The following ELMO1 variants were observed in gnomAD, a reference collection of about 807,000 sequenced individuals.
ELMO1 encodes the protein engulfment and cell motility 1, also known as engulfment and cell motility protein 1.
In ELMO1, 26 loss-of-function variants were observed where a neutral mutation model predicts 98.9. That is an observed-to-expected ratio of 0.26 (90% CI 0.19 to 0.36). The LOEUF (loss-of-function observed/expected upper bound fraction) is 0.36, where lower values mean the gene tolerates loss of function less well. Among genes scored for constraint, ELMO1 ranks in the 10% least tolerant of loss-of-function variants. The pLI, the probability that ELMO1 is intolerant of heterozygous loss-of-function variation, is 1.00. For missense variants in ELMO1, 627 were observed against 935.2 expected (o/e 0.67, Z 4.30); for synonymous variants, 346 against 346.0 (o/e 1.00, Z 0.00).
chr7:37,309,577 G>T (rs936689484), intron 4 of ELMO1, among the ~76,000 whole-genome samples: 6 of 152,242 alleles, frequency 3.9e-5, no homozygotes, highest in Admixed American at 1.3e-4. Flanking sequence ...GCACGAAAGG[G>T]AATGTTGTAT....
chr7:36,917,879 A>T (rs2129071528), intron 16 of ELMO1, among the ~76,000 whole-genome samples: 1 of 152,338 alleles, frequency 6.6e-6, no homozygotes, highest in South Asian at 2.1e-4. Flanking sequence ...ATAAATGCAG[A>T]CAATGAAATA....
At chr7:36,958,652 A>T (rs1788668285) in intron 16 of ELMO1, among the ~76,000 whole-genome samples, 1 of 152,200 alleles carries the variant, frequency 6.6e-6, no homozygotes, top group East Asian at 1.9e-4. Flanking sequence ...AACTTGAAAC[A>T]GCTGATAATG....
At chr7:37,157,712 G>A (rs1203882504) in intron 13 of ELMO1, among the ~76,000 whole-genome samples, 1 of 152,088 alleles carries the variant, frequency 6.6e-6, no homozygotes, top group Non-Finnish European at 1.5e-5. Flanking sequence ...TCAATATCGT[G>A]AAAATGGCCA....
At chr7:37,215,068 A>G (rs746224051) in intron 11 of ELMO1, among the ~76,000 whole-genome samples, 2 of 152,190 alleles carry the variant, frequency 1.3e-5, no homozygotes, top group Non-Finnish European at 2.9e-5. Context: ...TTCCAAAACC[A>G]CAATTGGACC....
intron 17 of ELMO1, among the ~76,000 whole-genome samples, chr7:36,891,775 C>T (rs536686860): frequency 7.6e-4 from 116 of 152,336 alleles, no homozygotes; most frequent in African/African-American, 2.7e-3. Context: ...AACTTGCTTA[C>T]AGAGCCACAT....
chr7:36,925,612 AGCAAC>A (rs1374531019), intron 16 of ELMO1, among the ~76,000 whole-genome samples: 1 of 152,200 alleles, frequency 6.6e-6, no homozygotes, highest in Non-Finnish European at 1.5e-5. Flanking sequence ...CTGAAAGCCC[AGCAAC>A]TGTTTGGTCC....
chr7:37,201,390 G>A (rs1473175985), intron 13 of ELMO1, among the ~76,000 whole-genome samples: 2 of 152,128 alleles, frequency 1.3e-5, no homozygotes, highest in Non-Finnish European at 2.9e-5. Context: ...ATATTTCCAT[G>A]TTAAAGCAGA....
intron 1 of ELMO1, among the ~76,000 whole-genome samples, chr7:37,390,282 T>G (rs1443674386): frequency 6.6e-6 from 1 of 152,226 alleles, no homozygotes; most frequent in Non-Finnish European, 1.5e-5. Context: ...CTGTCAGGCT[T>G]GCGCCACTTG....
At chr7:36,991,942 TG>T (rs1208799759) in intron 16 of ELMO1, among the ~76,000 whole-genome samples, 2 of 152,238 alleles carry the variant, frequency 1.3e-5, no homozygotes, top group Non-Finnish European at 2.9e-5. Context: ...GGTGTCCATC[TG>T]TGGAGCACCC....
chr7:37,172,532 T>C (rs1790236372), intron 13 of ELMO1, among the ~76,000 whole-genome samples: 1 of 152,210 alleles, frequency 6.6e-6, no homozygotes, highest in East Asian at 1.9e-4. Context: ...TTCCTGCTAT[T>C]CTTTCATAGA....
chr7:37,133,745 A>G (rs1197043877), intron 13 of ELMO1, among the ~76,000 whole-genome samples: 1 of 152,184 alleles, frequency 6.6e-6, no homozygotes, highest in East Asian at 1.9e-4. Flanking sequence ...CACAGTCCAC[A>G]GGCCTCTGAG....
intron 14 of ELMO1, among the ~76,000 whole-genome samples, chr7:37,118,642 A>G (rs1020230002): frequency 2.0e-5 from 3 of 152,214 alleles, no homozygotes; most frequent in African/African-American, 7.2e-5. Flanking sequence ...AGCACCTTCT[A>G]TGTGCTGGCG....
In ELMO1 at chr7:37,406,108, C is replaced by T. The variant is rs567463260; in HGVS notation, c.-74+42567G>A. ...CTCCCACTCCTTGCATCTTAGGGTT[C>T]ATTCCATCATTCATGGGAATGCTTG... is the stretch of plus-strand genomic sequence containing the variant. On this transcript the variant is annotated intron_variant, in intron 1 of 21. Coordinates refer to ENST00000310758, the MANE Select transcript of ELMO1 (RefSeq NM_014800.11). Among the ~76,000 whole-genome samples the T allele has an allele frequency of 1.4e-4, 21 of 152,288 alleles. No homozygotes were observed. In the Middle Eastern group the frequency reaches 0.01, roughly 74 times the overall value.
At chr7:36,969,480 A>AG (rs1789730284) in intron 16 of ELMO1, among the ~76,000 whole-genome samples, 1 of 152,178 alleles carries the variant, frequency 6.6e-6, no homozygotes. Context: ...GATCTGTGTC[A>AG]TTTCACAGGA....
intron 12 of ELMO1, 146 bp downstream of exon 12, chr7:37,213,189 A>C: frequency 1.0e-6 from 1 of 1,003,252 alleles, no homozygotes; most frequent in Non-Finnish European, 1.4e-6. Context: ...CTAATTTTGA[A>C]GCCATGCCCC....
At chr7:37,092,741 T>G (rs563214180) in intron 15 of ELMO1, among the ~76,000 whole-genome samples, 1 of 152,042 alleles carries the variant, frequency 6.6e-6, no homozygotes, top group Non-Finnish European at 1.5e-5. Context: ...ACCAACTGCG[T>G]GCAGCACAGT....
chr7:37,027,523 G>A (rs1312149931), intron 15 of ELMO1, among the ~76,000 whole-genome samples: 1 of 152,186 alleles, frequency 6.6e-6, no homozygotes, highest in Non-Finnish European at 1.5e-5. Context: ...GATATTAAGG[G>A]AATGATCCAT....
intron 14 of ELMO1, among the ~76,000 whole-genome samples, chr7:37,110,680 G>A (rs879798833): frequency 6.6e-6 from 1 of 151,922 alleles, no homozygotes; most frequent in Non-Finnish European, 1.5e-5. Context: ...TCATTTCACC[G>A]GCTCACCTAG....
At chr7:37,188,487 T>TAA (rs869157346) in intron 13 of ELMO1, among the ~76,000 whole-genome samples, 42 of 32,050 alleles carry the variant, frequency 1.3e-3, no homozygotes, top group African/African-American at 3.3e-3. Context: ...TGGAGAAAGG[T>TAA]AAAAAAAAAA....
Sources: allele counts gnomAD v4.1 joint callset (sites outside exome capture counted in the v4.1 genomes callset), GRCh38; gene constraint gnomAD v4.1.1; transcripts MANE v1.5; gene names NCBI Gene and HGNC (gene_info 2026-07-23, HGNC 2026-07-21).